The following SNCAIP variants were observed in gnomAD, a reference collection of about 807,000 sequenced individuals.
SNCAIP encodes the protein synphilin-1.
SNCAIP carries 43 observed loss-of-function variants against 86.7 expected under a neutral mutation model. The observed-to-expected ratio is 0.50, with a 90% CI of 0.39 to 0.64. The LOEUF (loss-of-function observed/expected upper bound fraction) is 0.64. Ranked by LOEUF, SNCAIP falls within the 30% of genes least tolerant of loss-of-function variation. The pLI, the probability that SNCAIP is intolerant of heterozygous loss-of-function variation, is 0.00. For synonymous variants in SNCAIP, 417 were observed against 427.2 expected, an observed-to-expected ratio of 0.98 and a Z score of 0.29; for missense variants, 981 against 1,103.1, an observed-to-expected ratio of 0.89 and a Z score of 1.57.
chr5:122,385,972 G>T (rs1457706739), intron 1 of SNCAIP, among the ~76,000 whole-genome samples: 1 of 152,126 alleles, frequency 6.6e-6, no homozygotes, highest in African/African-American at 2.4e-5. Flanking sequence ...GTAAAATAGA[G>T]TGAGGCAATA....
chr5:122,326,038 TAAACTC>T (rs781779510), intron 1 of SNCAIP, among the ~76,000 whole-genome samples: 5 of 152,186 alleles, frequency 3.3e-5, no homozygotes, highest in Non-Finnish European at 7.4e-5. Context: ...CTTAAACTAA[TAAACTC>T]TATTTGTGAC....
chr5:122,352,494 TC>T (rs921224461), intron 1 of SNCAIP, among the ~76,000 whole-genome samples: 2 of 152,150 alleles, frequency 1.3e-5, no homozygotes, highest in African/African-American at 4.8e-5. Context: ...GCCTCCTTAA[TC>T]CTCTGTTACA....
intron 1 of SNCAIP, among the ~76,000 whole-genome samples, chr5:122,344,987 G>A (rs1439850838): frequency 1.3e-5 from 2 of 152,180 alleles, no homozygotes; most frequent in Admixed American, 6.5e-5. Context: ...AATGCTGTAA[G>A]CTGAGCAAAT....
Position 122,463,619 on chromosome 5 carries a change from T to C in SNCAIP, c.*123T>C, listed in dbSNP as rs1002450896. ...TCTCACTGATGCCCTTTGGAAATTA[T>C]TGGAAATTTCTGGACTATCCTCTTT... On this transcript the variant is annotated 3_prime_UTR_variant, in exon 11 of 11. Transcript: ENST00000261368. 13 of 1,080,040 alleles carry C rather than the reference T, an allele frequency of 1.2e-5. No homozygotes were observed. The East Asian group carries it at 1.7e-4, about 14-fold the overall frequency. The allele number at this position is 1,080,040 out of a possible 1,614,324, so 66.9% of individuals were successfully genotyped here.
intron 2 of SNCAIP, among the ~76,000 whole-genome samples, chr5:122,399,657 G>A (rs941148050): frequency 6.6e-6 from 1 of 152,022 alleles, no homozygotes; most frequent in Non-Finnish European, 1.5e-5. Flanking sequence ...ATTTAATTTG[G>A]TTTAATAAGT....
intron 1 of SNCAIP, chr5:122,321,970 CAAAA>C (rs779707408): frequency 1.8e-4 from 27 of 150,576 alleles, no homozygotes; most frequent in Middle Eastern, 3.4e-3. Flanking sequence ...AAAAAAAAAA[CAAAA>C]AAACAGGACA....
chr5:122,321,336 G>A (rs1018484427), intron 1 of SNCAIP: 1 of 151,818 alleles, frequency 6.6e-6, no homozygotes, highest in African/African-American at 2.4e-5. Flanking sequence ...ATTCAGAATG[G>A]CCACATTCCA....
intron 1 of SNCAIP, among the ~76,000 whole-genome samples, chr5:122,374,117 TTGTC>T (rs767861413): frequency 5.2e-4 from 79 of 152,300 alleles, no homozygotes; most frequent in African/African-American, 1.8e-3. Context: ...ATTTTAGTCT[TTGTC>T]TGTTTCTGGA....
Position 122,421,554 on chromosome 5 carries a change from T to C in SNCAIP, c.131-1314T>C, listed in dbSNP as rs570613069. 5.3e-5 allele frequency among the ~76,000 whole-genome samples: 8 copies of C among 152,324 alleles called. No homozygotes were observed. The South Asian group carries it at 1.7e-3, about 32-fold the overall frequency. Reference sequence around the variant, plus strand: ...GTGAGTATACACCCATCTCATGTTCTTTTTTTCTTTGGTTGTTCCCAGTAG... The same window carrying C: ...GTGAGTATACACCCATCTCATGTTCCTTTTTTCTTTGGTTGTTCCCAGTAG... On this transcript the variant is annotated intron_variant, in intron 3 of 10. Coordinates refer to ENST00000261368, the MANE Select transcript of SNCAIP (RefSeq NM_005460.4).
chr5:122,451,043 G>A lies in SNCAIP; in HGVS notation c.2196G>A (p.Arg732=). ...KKHTLASGGR[R]FPFSIKASKS... ...ACACCTTGGCATCAGGGGGACGCAG[G>A]TTTCCTTTCAGCATCAAGGCCTCCA... Residue 732 remains arginine (R), a synonymous_variant, in exon 10 of 11, where the codon AGG becomes AGA. Transcript: ENST00000261368. 3.1e-6 allele frequency: 5 copies of A among 1,614,146 alleles called. No individual in the cohort carries two copies. Among genetic ancestry groups the A allele is most frequent in the Non-Finnish European group, 4.2e-6 (5 of 1,180,022 alleles).
intron 8 of SNCAIP, among the ~76,000 whole-genome samples, chr5:122,449,581 T>C (rs1212558618): frequency 1.3e-5 from 2 of 152,156 alleles, no homozygotes; most frequent in Admixed American, 1.3e-4. Context: ...TAGAAATAAT[T>C]ATAATTTGTT....
At chr5:122,412,309 A>G (rs34880730) in intron 3 of SNCAIP, among the ~76,000 whole-genome samples, 43,486 of 151,930 alleles carry the variant, frequency 0.29, 7,198 homozygotes, top group East Asian at 0.45. Context: ...CCAACTTCCT[A>G]TTTACCTTAA....
chr5:122,377,646 G>A (rs988051449), intron 1 of SNCAIP, among the ~76,000 whole-genome samples: 44 of 150,890 alleles, frequency 2.9e-4, no homozygotes, highest in Admixed American at 2.0e-3. Flanking sequence ...CTACTAACTC[G>A]TCATCTAGCA....
intron 6 of SNCAIP, among the ~76,000 whole-genome samples, chr5:122,437,991 A>T (rs1371353317): frequency 6.6e-6 from 1 of 152,142 alleles, no homozygotes; most frequent in Non-Finnish European, 1.5e-5. Flanking sequence ...TTTTTTGTGT[A>T]TGTGGAATAG....
intron 2 of SNCAIP, among the ~76,000 whole-genome samples, chr5:122,401,762 G>T (rs17149137): frequency 6.6e-6 from 1 of 152,116 alleles, no homozygotes; most frequent in Admixed American, 6.5e-5. Flanking sequence ...GCTAGTGTCC[G>T]CCTGTAACTC....
At chr5:122,397,518 A>T (rs1439926960) in intron 2 of SNCAIP, among the ~76,000 whole-genome samples, 1 of 152,202 alleles carries the variant, frequency 6.6e-6, no homozygotes, top group Admixed American at 6.5e-5. Context: ...ATTTAAAAAA[A>T]ACTTCTTAGA....
At chr5:122,358,197 G>GTA (rs1422067868) in intron 1 of SNCAIP, among the ~76,000 whole-genome samples, 14 of 103,252 alleles carry the variant, frequency 1.4e-4, no homozygotes, top group East Asian at 4.5e-4. Flanking sequence ...GTGTGTGTGT[G>GTA]TGTGTGTATA....
chr5:122,440,557 G>T, intron 6 of SNCAIP, 72 bp from the exon 7 acceptor site: 1 of 1,448,008 alleles, frequency 6.9e-7, no homozygotes, highest in Admixed American at 1.7e-5. Context: ...TTAGGGTATT[G>T]TTTTCCTCTG....
At chr5:122,339,513 G>A (rs1318537171) in intron 1 of SNCAIP, among the ~76,000 whole-genome samples, 3 of 152,148 alleles carry the variant, frequency 2.0e-5, no homozygotes, top group Admixed American at 6.5e-5. Flanking sequence ...AGGGGGAGAG[G>A]CAGTTGGAAT....
Sources: allele counts gnomAD v4.1 joint callset (sites outside exome capture counted in the v4.1 genomes callset), GRCh38; gene constraint gnomAD v4.1.1; transcripts MANE v1.5; gene names NCBI Gene and HGNC (gene_info 2026-07-23, HGNC 2026-07-21).